ONECUT3: variants seen among roughly 807,000 people sequenced by gnomAD.
ONECUT3 encodes the protein one cut homeobox 3.
A neutral mutation model predicts 16.8 loss-of-function variants in ONECUT3; 11 were observed. The observed-to-expected ratio is 0.66, with a 90% CI of 0.41 to 1.09. The LOEUF is 1.09. ONECUT3 is among the 50% of genes least tolerant of loss of function. ONECUT3 has a pLI of 0.00. For synonymous variants in ONECUT3, 344 were observed against 310.7 expected (o/e 1.11, Z -1.13); for missense variants, 637 against 629.9 (o/e 1.01, Z -0.12).
rs201101328 is a variant in ONECUT3, at chr19:1,763,366, CAAAAAAAAAAAAAAAA to C, written c.1192+8527_1192+8542del. On this transcript the variant is annotated intron_variant, in intron 1 of 1. Transcript: ENST00000382349. ...TGGGTGACAGAGTGAGACTCCATCT[CAAAAAAAAAAAAAAAA>C]AAAAAAAAAAAAAATTAGCCAGATG... Among the ~76,000 whole-genome samples the C allele has an allele frequency of 1.9e-4, 7 of 36,840 alleles. No homozygotes were observed. In the South Asian group the frequency reaches 7.7e-3, roughly 41 times the overall value. The allele number at this position is 36,840 out of a possible 152,430, so 24.2% of individuals were successfully genotyped here.
At position 1,754,193 on chromosome 19, in the gene ONECUT3, G is replaced by T. The variant is rs1429060048; in HGVS notation, c.531G>T (p.Ala177=). 18 of 1,154,058 alleles carry T rather than the reference G, an allele frequency of 1.6e-5. No homozygotes were observed. Among genetic ancestry groups the T allele is most frequent in the Non-Finnish European group, 1.9e-5 (18 of 928,002 alleles). 71.5% of individuals were successfully genotyped at this position (1,154,058 alleles called of 1,614,324 possible). A position where few individuals can be genotyped will look rare whatever the true frequency, so the allele number is the denominator to read the frequency against. ...CCCTCATGCGCGACGAGCGGGCGGC[G>T]CTCGCCTCCGTGGGCCACCTCTACG... is the stretch of plus-strand genomic sequence containing the variant. ...SFTLMRDERA[A]LASVGHLYGP... is the part of the protein sequence containing the mutation. The change falls in exon 1 of 2, where the codon GCG becomes GCT. Residue 177 remains alanine (A), a synonymous_variant. Transcript: ENST00000382349. The surrounding 1 kb of genome is among the most constrained non-coding windows in gnomAD (Gnocchi z 7.4).
Position 1,775,383 on chromosome 19 carries a change from G to A in ONECUT3, c.1423G>A (p.Glu475Lys), listed in dbSNP as rs778536345. ...ARRRCMNRWA[E>K]EPSTAPGGPA... is the part of the protein sequence containing the mutation. ...GCGCCGCTGCATGAACCGCTGGGCT[G>A]AGGAGCCCAGCACGGCCCCCGGGGG... Residue 475 changes from glutamate to lysine, a missense_variant, in exon 2 of 2, where the codon GAG (glutamate) becomes AAG (lysine). Physicochemically the swap from Glu to Lys is moderately conservative, Grantham distance 56. This residue lies in a region of ONECUT3 where 183 missense variants were observed against 188.3 expected (regional missense o/e 0.97). Coordinates refer to ENST00000382349, the MANE Select transcript of ONECUT3 (RefSeq NM_001080488.2). 2 of 1,537,944 alleles carry A rather than the reference G, an allele frequency of 1.3e-6. No individual in the cohort carries two copies. The highest frequency in any genetic ancestry group is 2.5e-5 in the East Asian group (1 of 40,358).
intron 1 of ONECUT3, among the ~76,000 whole-genome samples, chr19:1,769,063 GGTGGAGGTGGTGGAA>G (rs2068027764): frequency 7.1e-6 from 1 of 141,334 alleles, no homozygotes; most frequent in South Asian, 2.3e-4. Flanking sequence ...AGTTGCTGGA[GGTGGAGGTGGTGGAA>G]GTGGAGGTGG....
In ONECUT3 at chr19:1,775,681, AC is replaced by A. The variant is rs148513158; in HGVS notation, c.*245del. ...CCCTCCAGGCCAAAGGAAGCCCTCCACCCCCCCCCGGAGGGGAGGGAGTGAC... is the reference window on the plus strand; with the variant it reads ...CCCTCCAGGCCAAAGGAAGCCCTCCACCCCCCCCGGAGGGGAGGGAGTGAC... On this transcript the variant is annotated 3_prime_UTR_variant, in exon 2 of 2. Coordinates refer to ENST00000382349, the MANE Select transcript of ONECUT3 (RefSeq NM_001080488.2). 0.22 allele frequency: 58,373 copies of A among 263,868 alleles called. 5,202 individuals are homozygous for A. The highest frequency in any genetic ancestry group is 0.24 in the South Asian group (2,631 of 11,104). 16.3% of individuals were successfully genotyped at this position (263,868 alleles called of 1,614,324 possible). A position where few individuals can be genotyped will look rare whatever the true frequency, so the allele number is the denominator to read the frequency against.
intron 1 of ONECUT3, among the ~76,000 whole-genome samples, chr19:1,761,249 C>T (rs1046738549): frequency 2.0e-5 from 3 of 152,052 alleles, no homozygotes; most frequent in African/African-American, 7.2e-5. Flanking sequence ...GACCGGGTTT[C>T]ACCACGTTGA....
chr19:1,763,408 T>C (rs2067958158), intron 1 of ONECUT3, among the ~76,000 whole-genome samples: 1 of 84,350 alleles, frequency 1.2e-5, no homozygotes, highest in Non-Finnish European at 2.6e-5. Context: ...TAGCCAGATG[T>C]GGTGGTGTAC....
chr19:1,769,672 G>T (rs561736030), intron 1 of ONECUT3, among the ~76,000 whole-genome samples: 1 of 151,946 alleles, frequency 6.6e-6, no homozygotes, highest in Non-Finnish European at 1.5e-5. Context: ...GCATCCAGGC[G>T]GCCCCCCTAC....
chr19:1,776,072 C>T lies in ONECUT3; in HGVS notation c.*627C>T, dbSNP rs1261904616. 1 of 152,360 alleles carries T rather than the reference C, an allele frequency of 6.6e-6. No individual in the cohort carries two copies. Among genetic ancestry groups the T allele is most frequent in the Non-Finnish European group, 1.5e-5 (1 of 68,158 alleles). The allele number at this position is 152,360 out of a possible 1,614,324, so 9.4% of individuals were successfully genotyped here. A position where few individuals can be genotyped will look rare whatever the true frequency, so the allele number is the denominator to read the frequency against. ...TGCGGCCGAGAACTGAGCTGCCCCTCTCTGCGGCCAGGATTCCTCGTGCCA... is the reference window on the plus strand; with the variant it reads ...TGCGGCCGAGAACTGAGCTGCCCCTTTCTGCGGCCAGGATTCCTCGTGCCA... On this transcript the variant is annotated 3_prime_UTR_variant, in exon 2 of 2. Coordinates refer to ENST00000382349, the MANE Select transcript of ONECUT3 (RefSeq NM_001080488.2). The surrounding 1 kb of genome is among the most constrained non-coding windows in gnomAD (Gnocchi z 4.9).
chr19:1,763,503 G>A (rs1408156137), intron 1 of ONECUT3, among the ~76,000 whole-genome samples: 9 of 151,568 alleles, frequency 5.9e-5, no homozygotes, highest in East Asian at 3.9e-4. Context: ...ACATGACTGC[G>A]TCACTTCATT....
intron 1 of ONECUT3, among the ~76,000 whole-genome samples, chr19:1,773,494 G>A (rs1226432822): frequency 6.6e-6 from 1 of 152,180 alleles, no homozygotes; most frequent in East Asian, 1.9e-4. Flanking sequence ...ATTTATTTCT[G>A]TGGACGTGTA....
At position 1,753,597 on chromosome 19, in the gene ONECUT3, C is replaced by T; in HGVS notation, c.-66C>T. The T allele has an allele frequency of 1.8e-6, 1 of 547,880 alleles. No individual in the cohort carries two copies. The highest frequency in any genetic ancestry group is 2.4e-6 in the Non-Finnish European group (1 of 421,132). The allele number at this position is 547,880 out of a possible 1,614,324, so 33.9% of individuals were successfully genotyped here. A position where few individuals can be genotyped will look rare whatever the true frequency, so the allele number is the denominator to read the frequency against. ...CAGCCACCGGGGAGCGGGCGGGAGT[C>T]ATGCAGCGGCCTTGAGCACTAGGGG... On this transcript the variant is annotated 5_prime_UTR_variant, in exon 1 of 2. Transcript: ENST00000382349.
intron 1 of ONECUT3, among the ~76,000 whole-genome samples, chr19:1,769,009 G>GGAA (rs770574125): frequency 1.4e-5 from 2 of 146,240 alleles, no homozygotes; most frequent in African/African-American, 5.0e-5. Context: ...TGGTGGAGGT[G>GGAA]GTGGAGGTGG....
At chr19:1,775,098 G>T (rs2145968778) in intron 1 of ONECUT3, 55 bp from the exon 2 acceptor site, 1 of 1,230,778 alleles carries the variant, frequency 8.1e-7, no homozygotes, top group South Asian at 1.6e-5. Flanking sequence ...CTCCCCGGCC[G>T]GCCACACGGT....
chr19:1,771,712 C>T (rs1396947932), intron 1 of ONECUT3, among the ~76,000 whole-genome samples: 3 of 152,182 alleles, frequency 2.0e-5, no homozygotes, highest in Non-Finnish European at 4.4e-5. Context: ...TGGGGTCTCG[C>T]TCTGTCATCC....
rs1440743631 is a variant in ONECUT3 at position 1,759,526 on chromosome 19, A to G, written c.1192+4672A>G. On this transcript the variant is annotated intron_variant, in intron 1 of 1. Coordinates refer to ENST00000382349, the MANE Select transcript of ONECUT3 (RefSeq NM_001080488.2). This position sits in a 1 kb window ranked among gnomAD's most constrained non-coding sequence, Gnocchi z 4.1. ...GGAAGGGAGGGAAGGAAGGGGAGAG[A>G]GGAGAGAGGGAAAGACCCCTGTGCC... is the stretch of plus-strand genomic sequence containing the variant. 1.3e-5 allele frequency among the ~76,000 whole-genome samples: 2 copies of G among 151,822 alleles called. No individual in the cohort carries two copies. Among genetic ancestry groups the G allele is most frequent in the South Asian group, 4.2e-4 (2 of 4,810 alleles).
rs1014315328 is a variant in ONECUT3 at position 1,778,627 on chromosome 19, A to T, written c.*3182A>T. The T allele has an allele frequency of 6.6e-6, 1 of 150,994 alleles. No individual in the cohort carries two copies. Among genetic ancestry groups the T allele is most frequent in the Non-Finnish European group, 1.5e-5 (1 of 67,594 alleles). 9.4% of individuals were successfully genotyped at this position (150,994 alleles called of 1,614,324 possible). A position where few individuals can be genotyped will look rare whatever the true frequency, so the allele number is the denominator to read the frequency against. ...TTTTGTCCCCTGCTGGAAATTTAGG[A>T]CTTGGCTTGGGATCGTTCTGGTTGT... On this transcript the variant is annotated 3_prime_UTR_variant, in exon 2 of 2. Transcript: ENST00000382349.
rs1481262293 is a variant in ONECUT3 at position 1,762,961 on chromosome 19, T to G, written c.1192+8107T>G. Among the ~76,000 whole-genome samples the G allele has an allele frequency of 6.6e-6, 1 of 152,198 alleles. No individual in the cohort carries two copies. Among genetic ancestry groups the G allele is most frequent in the Non-Finnish European group, 1.5e-5 (1 of 68,038 alleles). On this transcript the variant is annotated intron_variant, in intron 1 of 1. Coordinates refer to ENST00000382349, the MANE Select transcript of ONECUT3 (RefSeq NM_001080488.2). The surrounding 1 kb of genome is among the most constrained non-coding windows in gnomAD (Gnocchi z 4.4). ...TTGGCCCGGCGGGGAGGCTCAAACC[T>G]GTAGTCCCAGCACTTTGGGAGGCCA...
At chr19:1,775,126 G>GCC in intron 1 of ONECUT3, 27 bp from the exon 2 acceptor site, 2 of 1,143,896 alleles carry the variant, frequency 1.7e-6, no homozygotes, top group Non-Finnish European at 2.4e-6. Context: ...TGTCCCGCTC[G>GCC]CCCGCCCGCC....
chr19:1,763,236 T>G (rs961841675), intron 1 of ONECUT3, among the ~76,000 whole-genome samples: 19 of 151,632 alleles, frequency 1.3e-4, no homozygotes, highest in Non-Finnish European at 2.5e-4. Context: ...TGGTGGCACA[T>G]GCCTGCAATC....
Sources: allele counts gnomAD v4.1 joint callset (sites outside exome capture counted in the v4.1 genomes callset), GRCh38; gene constraint gnomAD v4.1.1; regional missense constraint gnomAD v4.1.1; non-coding constraint Gnocchi (gnomAD v3.1); transcripts MANE v1.5; gene names NCBI Gene and HGNC (gene_info 2026-07-23, HGNC 2026-07-21).